Variants in OSBPL6 observed in about 807,000 individuals in gnomAD.
OSBPL6 encodes the protein oxysterol-binding protein-related protein 6.
In OSBPL6, 49 loss-of-function variants were observed where a neutral mutation model predicts 125.8. That is an observed-to-expected ratio of 0.39 (90% CI 0.31 to 0.49). OSBPL6 has a LOEUF of 0.49. OSBPL6 is among the 20% of genes least tolerant of loss of function. The pLI, the probability that OSBPL6 is intolerant of heterozygous loss-of-function variation, is 0.88. For synonymous variants in OSBPL6, 394 were observed against 391.8 expected, an observed-to-expected ratio of 1.01 and a Z score of -0.07; for missense variants, 986 against 1,135.4, an observed-to-expected ratio of 0.87 and a Z score of 1.89.
chr2:178,290,525 C>A (rs923051228), intron 2 of OSBPL6, among the ~76,000 whole-genome samples: 2 of 149,876 alleles, frequency 1.3e-5, no homozygotes, highest in Middle Eastern at 6.8e-3. Flanking sequence ...GAAAAGAGAA[C>A]CTATCATATG....
At chr2:178,259,322 A>T (rs2091984053) in intron 1 of OSBPL6, among the ~76,000 whole-genome samples, 1 of 152,118 alleles carries the variant, frequency 6.6e-6, no homozygotes, top group Admixed American at 6.6e-5. Flanking sequence ...GATTGTGCTG[A>T]CTTTTTAAGG....
intron 23 of OSBPL6, among the ~76,000 whole-genome samples, chr2:178,393,056 A>G (rs1191609793): frequency 6.6e-6 from 1 of 152,166 alleles, no homozygotes; most frequent in African/African-American, 2.4e-5. Flanking sequence ...ATAGTTCCCC[A>G]CAGAAGATAA....
chr2:178,345,539 T>G (rs1690613671), intron 11 of OSBPL6, among the ~76,000 whole-genome samples: 1 of 152,244 alleles, frequency 6.6e-6, no homozygotes, highest in South Asian at 2.1e-4. Context: ...TTGAAATAGC[T>G]TTCATGGTCC....
At chr2:178,267,001 G>A (rs2092251328) in intron 1 of OSBPL6, among the ~76,000 whole-genome samples, 2 of 152,156 alleles carry the variant, frequency 1.3e-5, no homozygotes, top group Admixed American at 1.3e-4. Context: ...AGCAGCATGG[G>A]GAGGAGAGCC....
chr2:178,218,178 A>G (rs2090168161), intron 1 of OSBPL6, among the ~76,000 whole-genome samples: 1 of 152,202 alleles, frequency 6.6e-6, no homozygotes, highest in Non-Finnish European at 1.5e-5. Context: ...TGTTTCTGCT[A>G]TAAAAGGCTA....
At chr2:178,328,407 A>G (rs1359373369) in intron 5 of OSBPL6, 29 bp downstream of exon 5, 3 of 1,600,540 alleles carry the variant, frequency 1.9e-6, no homozygotes, top group Admixed American at 3.5e-5. Flanking sequence ...TCAGGTTCAG[A>G]CCATCTTCAT....
chr2:178,214,596 C>T (rs183487473), intron 1 of OSBPL6, among the ~76,000 whole-genome samples: 2 of 152,260 alleles, frequency 1.3e-5, no homozygotes, highest in Non-Finnish European at 2.9e-5. Flanking sequence ...ATCAGGCCCA[C>T]TTATAATCTT....
chr2:178,244,781 C>A (rs1007393392), intron 1 of OSBPL6, among the ~76,000 whole-genome samples: 3 of 152,122 alleles, frequency 2.0e-5, no homozygotes, highest in Non-Finnish European at 4.4e-5. Flanking sequence ...TGGAAAAAAG[C>A]ACTTACCTAG....
intron 2 of OSBPL6, among the ~76,000 whole-genome samples, chr2:178,296,991 T>G (rs1169987693): frequency 6.6e-6 from 1 of 152,216 alleles, no homozygotes; most frequent in African/African-American, 2.4e-5. Context: ...CATGAGATGT[T>G]GTAATTAGTA....
At chr2:178,241,670 C>T (rs147730270) in intron 1 of OSBPL6, among the ~76,000 whole-genome samples, 1 of 152,260 alleles carries the variant, frequency 6.6e-6, no homozygotes, top group African/African-American at 2.4e-5. Flanking sequence ...CCAACCTCGG[C>T]CTCCCAACGT....
chr2:178,267,974 G>A (rs984534941), intron 1 of OSBPL6, among the ~76,000 whole-genome samples: 3 of 152,202 alleles, frequency 2.0e-5, no homozygotes, highest in African/African-American at 7.2e-5. Flanking sequence ...ATAGTGGTAG[G>A]TGTTGAGTAA....
chr2:178,378,519 C>T (rs1012820057), intron 15 of OSBPL6, among the ~76,000 whole-genome samples: 5 of 152,340 alleles, frequency 3.3e-5, no homozygotes, highest in Admixed American at 6.5e-5. Context: ...CCACAATAAT[C>T]TATTTGCCTT....
intron 13 of OSBPL6, among the ~76,000 whole-genome samples, chr2:178,366,528 A>G (rs1345959525): frequency 6.6e-6 from 1 of 152,248 alleles, no homozygotes; most frequent in African/African-American, 2.4e-5. Flanking sequence ...GAAAAGGAAA[A>G]AAAACACTGC....
At chr2:178,351,414 A>G (rs1691244868) in intron 12 of OSBPL6, among the ~76,000 whole-genome samples, 1 of 152,194 alleles carries the variant, frequency 6.6e-6, no homozygotes, top group African/African-American at 2.4e-5. Context: ...TATACAATGA[A>G]CATACAAAAC....
intron 15 of OSBPL6, among the ~76,000 whole-genome samples, chr2:178,374,747 T>A (rs1003376911): frequency 6.6e-6 from 1 of 152,172 alleles, no homozygotes; most frequent in Non-Finnish European, 1.5e-5. Flanking sequence ...AAAAAAGAAA[T>A]GAAATCATTG....
At chr2:178,277,406 A>G (rs939989521) in intron 1 of OSBPL6, among the ~76,000 whole-genome samples, 1 of 152,204 alleles carries the variant, frequency 6.6e-6, no homozygotes, top group African/African-American at 2.4e-5. Flanking sequence ...AAATCTTTGA[A>G]TGGTTAATAA....
At chr2:178,241,227 C>A (rs2091277255) in intron 1 of OSBPL6, among the ~76,000 whole-genome samples, 1 of 151,688 alleles carries the variant, frequency 6.6e-6, no homozygotes. Flanking sequence ...AATTCTCGTG[C>A]CCCAGCTTCC....
At chr2:178,251,857 CT>C (rs2091708094) in intron 1 of OSBPL6, among the ~76,000 whole-genome samples, 2 of 152,304 alleles carry the variant, frequency 1.3e-5, no homozygotes, top group South Asian at 4.1e-4. Context: ...TGCGCATGTG[CT>C]TGTCATTGTG....
chr2:178,291,900 G>A (rs568575820), intron 2 of OSBPL6, among the ~76,000 whole-genome samples: 3 of 152,028 alleles, frequency 2.0e-5, no homozygotes, highest in East Asian at 3.9e-4. Context: ...GCAATGGAAG[G>A]GAAGATGGAG....
Sources: gnomAD v4.1 joint callset for allele counts (sites outside exome capture counted in the v4.1 genomes callset) on GRCh38, gnomAD v4.1.1 for gene constraint, MANE v1.5 for transcripts, NCBI Gene and HGNC (gene_info 2026-07-23, HGNC 2026-07-21) for gene names.